Variants in CEP112 observed in about 807,000 individuals in gnomAD.
The protein encoded by CEP112 is centrosomal protein of 112 kDa.
A neutral mutation model predicts 153.0 loss-of-function variants in CEP112; 127 were observed. That is an observed-to-expected ratio of 0.83 (90% confidence interval 0.72 to 0.96). The LOEUF (loss-of-function observed/expected upper bound fraction) is 0.96, where lower values mean the gene tolerates loss of function less well. CEP112 is among the 40% of genes least tolerant of loss of function. The pLI is 0.00. For synonymous variants in CEP112, 358 were observed against 374.4 expected (o/e 0.96, Z 0.51); for missense variants, 1,089 against 1,101.2 (o/e 0.99, Z 0.16).
At chr17:66,143,182 C>G (rs942414822) in intron 4 of CEP112, among the ~76,000 whole-genome samples, 1 of 152,112 alleles carries the variant, frequency 6.6e-6, no homozygotes, top group African/African-American at 2.4e-5. Flanking sequence ...AGATTTCAAG[C>G]AGGGTCCAGA....
chr17:65,962,814 G>A (rs1409250252), intron 17 of CEP112, among the ~76,000 whole-genome samples: 2 of 152,170 alleles, frequency 1.3e-5, no homozygotes, highest in Non-Finnish European at 2.9e-5. Context: ...CATGTAAGAT[G>A]TGACTTGCTC....
intron 4 of CEP112, among the ~76,000 whole-genome samples, chr17:66,168,197 A>G (rs1438655085): frequency 6.6e-6 from 1 of 152,088 alleles, no homozygotes; most frequent in Non-Finnish European, 1.5e-5. Context: ...AACTAGTCCA[A>G]ATCCCTAAAG....
intron 21 of CEP112, among the ~76,000 whole-genome samples, chr17:65,788,502 C>G (rs909386454): frequency 1.5e-4 from 23 of 152,074 alleles, no homozygotes; most frequent in African/African-American, 5.6e-4. Flanking sequence ...TTGGTAAGAA[C>G]TTGACCAAAA....
intron 12 of CEP112, among the ~76,000 whole-genome samples, chr17:66,046,087 G>A (rs2066192513): frequency 6.6e-6 from 1 of 151,510 alleles, no homozygotes; most frequent in African/African-American, 2.4e-5. Context: ...CTGTCGCCCA[G>A]GCTGAAGTGC....
intron 23 of CEP112, among the ~76,000 whole-genome samples, chr17:65,710,215 A>G (rs1362776212): frequency 6.6e-6 from 1 of 152,188 alleles, no homozygotes. Flanking sequence ...CTTGGTTTCT[A>G]TTAAGGACAC....
At chr17:66,006,237 C>A (rs993888646) in intron 16 of CEP112, among the ~76,000 whole-genome samples, 1 of 152,036 alleles carries the variant, frequency 6.6e-6, no homozygotes, top group Non-Finnish European at 1.5e-5. Context: ...CCACTCCCCG[C>A]ACCATGCCTA....
chr17:66,032,563 C>T (rs542395788), intron 12 of CEP112, among the ~76,000 whole-genome samples: 1 of 152,276 alleles, frequency 6.6e-6, no homozygotes, highest in African/African-American at 2.4e-5. Flanking sequence ...AGCCTTGAGT[C>T]AATTCAGTCC....
At chr17:65,923,556 A>G (rs565291223) in intron 19 of CEP112, among the ~76,000 whole-genome samples, 39 of 152,286 alleles carry the variant, frequency 2.6e-4, no homozygotes, top group Non-Finnish European at 4.7e-4. Context: ...AAGAAAAAAT[A>G]TATATAATAT....
At chr17:65,936,401 A>G (rs1403687650) in intron 18 of CEP112, among the ~76,000 whole-genome samples, 1 of 152,232 alleles carries the variant, frequency 6.6e-6, no homozygotes, top group Non-Finnish European at 1.5e-5. Flanking sequence ...AGTAGAGGGA[A>G]TATTTCCAAA....
At chr17:66,000,987 T>C (rs1390998668) in intron 17 of CEP112, among the ~76,000 whole-genome samples, 7 of 152,222 alleles carry the variant, frequency 4.6e-5, no homozygotes, top group Non-Finnish European at 2.9e-5. Flanking sequence ...CAATGGCAGC[T>C]TTCCATGGAA....
chr17:66,150,442 G>A (rs955644678), intron 4 of CEP112, among the ~76,000 whole-genome samples: 1 of 151,804 alleles, frequency 6.6e-6, no homozygotes, highest in Non-Finnish European at 1.5e-5. Flanking sequence ...TTTTGGCGAG[G>A]CTGGTCTTGA....
chr17:65,858,850 T>C (rs1416724069), intron 20 of CEP112, among the ~76,000 whole-genome samples: 2 of 152,238 alleles, frequency 1.3e-5, no homozygotes, highest in Admixed American at 6.5e-5. Flanking sequence ...AGGAAATACG[T>C]TGACATTGAT....
At chr17:66,095,253 C>T (rs955077776) in intron 8 of CEP112, among the ~76,000 whole-genome samples, 1 of 151,872 alleles carries the variant, frequency 6.6e-6, no homozygotes, top group East Asian at 1.9e-4. Flanking sequence ...TGTCCATCAA[C>T]AAATAAATGA....
At position 66,053,733 on chromosome 17, in the gene CEP112, C is replaced by A. The variant is rs201865217; in HGVS notation, c.1218+3G>T. The A allele has an allele frequency of 1.2e-6, 2 of 1,610,074 alleles. No individual in the cohort carries two copies. Among genetic ancestry groups the A allele is most frequent in the South Asian group, 2.2e-5 (2 of 89,866 alleles). ...GATGTCAAGAACAGGTTTAAAGACTCACTGTGGACTGTGTTTGCGCCATGT... is the reference window on the plus strand; with the variant it reads ...GATGTCAAGAACAGGTTTAAAGACTAACTGTGGACTGTGTTTGCGCCATGT... On this transcript the variant is annotated splice_donor_region_variant and intron_variant, in intron 12 of 26. Transcript: ENST00000535342.
chr17:65,681,281 A>G (rs1200534629), intron 24 of CEP112, among the ~76,000 whole-genome samples: 2 of 151,962 alleles, frequency 1.3e-5, no homozygotes, highest in Non-Finnish European at 2.9e-5. Flanking sequence ...CTTCCTGCCC[A>G]TTCCTTTTCA....
intron 11 of CEP112, among the ~76,000 whole-genome samples, chr17:66,060,372 C>G (rs986542293): frequency 2.6e-5 from 4 of 152,102 alleles, no homozygotes; most frequent in African/African-American, 9.7e-5. Flanking sequence ...ATCAAAATAT[C>G]AATGACATTT....
chr17:65,878,705 T>C (rs572640171), intron 20 of CEP112, among the ~76,000 whole-genome samples: 1 of 151,484 alleles, frequency 6.6e-6, no homozygotes, highest in East Asian at 2.0e-4. Flanking sequence ...TCTGGTACTA[T>C]AAAGATGGAG....
intron 17 of CEP112, among the ~76,000 whole-genome samples, chr17:65,995,766 A>G (rs907564673): frequency 1.3e-5 from 2 of 152,174 alleles, no homozygotes; most frequent in African/African-American, 4.8e-5. Flanking sequence ...CATAATTCCC[A>G]TGTGTTGTAG....
chr17:66,186,426 C>T (rs1406601083), intron 1 of CEP112, among the ~76,000 whole-genome samples: 2 of 152,040 alleles, frequency 1.3e-5, no homozygotes, highest in Admixed American at 1.3e-4. Flanking sequence ...CTCAGCCTCC[C>T]GAGTAGGCAC....
Sources: gnomAD v4.1 joint callset for allele counts (sites outside exome capture counted in the v4.1 genomes callset) on GRCh38, gnomAD v4.1.1 for gene constraint, MANE v1.5 for transcripts, NCBI Gene and HGNC (gene_info 2026-07-23, HGNC 2026-07-21) for gene names.